RGS7: variants seen among roughly 807,000 people sequenced by gnomAD.
The protein encoded by RGS7 is regulator of G-protein signaling 7.
A neutral mutation model predicts 81.1 loss-of-function variants in RGS7; 27 were observed. The observed-to-expected ratio is 0.33, with a 90% CI of 0.25 to 0.46. RGS7 has a LOEUF of 0.46. Among genes scored for constraint, RGS7 ranks in the 20% least tolerant of loss-of-function variants. RGS7 has a pLI of 1.00. For synonymous variants in RGS7, 208 were observed against 207.7 expected (o/e 1.00, Z -0.01); for missense variants, 396 against 607.4 (o/e 0.65, Z 3.66).
At position 241,088,838 on chromosome 1, in the gene RGS7, C is replaced by T. The variant is rs545497359; in HGVS notation, c.175+9828G>A. ...CATCCTGGCTAACACAGTGAAACCC[C>T]GTCTCTACTAAAAATACAAAAAATT... On this transcript the variant is annotated intron_variant, in intron 3 of 18. Transcript: ENST00000440928. Among the ~76,000 whole-genome samples, 62 of 151,352 alleles carry T rather than the reference C, an allele frequency of 4.1e-4. 1 individual carries two copies. In the East Asian group the frequency reaches 0.011, roughly 26 times the overall value.
chr1:240,911,036 A>G (rs1236674975), intron 6 of RGS7, among the ~76,000 whole-genome samples: 1 of 152,126 alleles, frequency 6.6e-6, no homozygotes, highest in Non-Finnish European at 1.5e-5. Context: ...AGAATTCTCT[A>G]GTTCATTCCT....
At chr1:241,061,949 A>G (rs1275049435) in intron 3 of RGS7, among the ~76,000 whole-genome samples, 1 of 152,204 alleles carries the variant, frequency 6.6e-6, no homozygotes, top group South Asian at 2.1e-4. Flanking sequence ...CTCAACACTC[A>G]AGAATCACAA....
intron 4 of RGS7, among the ~76,000 whole-genome samples, chr1:240,966,515 G>A (rs971698303): frequency 6.6e-6 from 1 of 151,940 alleles, no homozygotes; most frequent in Non-Finnish European, 1.5e-5. Context: ...TTTCCAGAAC[G>A]CCACACCATT....
At chr1:241,276,931 G>GA (rs1039580133) in intron 2 of RGS7, among the ~76,000 whole-genome samples, 1 of 152,122 alleles carries the variant, frequency 6.6e-6, no homozygotes, top group Non-Finnish European at 1.5e-5. Flanking sequence ...AAGGAAGAGA[G>GA]AAAAAAATGG....
chr1:241,163,522 G>C lies in RGS7; in HGVS notation c.79-64760C>G, dbSNP rs545355278. 2.6e-5 allele frequency among the ~76,000 whole-genome samples: 4 copies of C among 151,976 alleles called. No individual in the cohort carries two copies. Among genetic ancestry groups the C allele is most frequent in the African/African-American group, 9.7e-5 (4 of 41,378 alleles). ...CTTCCAGATCTAGGAAAGATTAACC[G>C]ACTGTCGACACCTTTGAAGGTCTGA... On this transcript the variant is annotated intron_variant, in intron 2 of 18. Coordinates refer to ENST00000440928, the MANE Select transcript of RGS7 (RefSeq NM_001364886.1). The surrounding 1 kb of genome is among the most constrained non-coding windows in gnomAD (Gnocchi z 4.6).
chr1:241,060,054 T>G (rs2061667723), intron 3 of RGS7, among the ~76,000 whole-genome samples: 1 of 152,118 alleles, frequency 6.6e-6, no homozygotes, highest in Admixed American at 6.6e-5. Context: ...CTCCCAAACC[T>G]AGGGCACCAG....
At chr1:241,003,859 C>T (rs565625049) in intron 3 of RGS7, among the ~76,000 whole-genome samples, 101 of 152,304 alleles carry the variant, frequency 6.6e-4, no homozygotes, top group Admixed American at 1.7e-3. Context: ...AGTGATTCTC[C>T]TGCCTCAGCC....
At chr1:241,252,132 C>T (rs1212561734) in intron 2 of RGS7, among the ~76,000 whole-genome samples, 1 of 151,892 alleles carries the variant, frequency 6.6e-6, no homozygotes, top group East Asian at 1.9e-4. Context: ...CAACCTCCAC[C>T]TCCCAGGTTC....
chr1:241,065,966 T>C (rs1316483046), intron 3 of RGS7, among the ~76,000 whole-genome samples: 2 of 152,150 alleles, frequency 1.3e-5, no homozygotes, highest in Admixed American at 1.3e-4. Flanking sequence ...TTTAGTATTA[T>C]TTACCAAAGA....
chr1:241,183,983 G>A lies in RGS7; in HGVS notation c.79-85221C>T, dbSNP rs192631586. On this transcript the variant is annotated intron_variant, in intron 2 of 18. Coordinates refer to ENST00000440928, the MANE Select transcript of RGS7 (RefSeq NM_001364886.1). ...CCTGTTGGGCAGATGGACAGAACAG[G>A]AGTCGATGGGAGTCAGAACTACCCT... Among the ~76,000 whole-genome samples the A allele has an allele frequency of 7.2e-4, 110 of 152,266 alleles. 1 individual carries two copies. The highest frequency in any genetic ancestry group is 2.6e-3 in the African/African-American group (106 of 41,532).
intron 2 of RGS7, among the ~76,000 whole-genome samples, chr1:241,232,675 A>G (rs1460858026): frequency 1.4e-5 from 2 of 141,428 alleles, no homozygotes; most frequent in African/African-American, 2.6e-5. Context: ...CAATTTCTGG[A>G]AAAAAAAAAA....
Position 241,302,770 on chromosome 1 carries a change from C to A in RGS7, c.78+52929G>T, listed in dbSNP as rs79041132. 1.3e-3 allele frequency among the ~76,000 whole-genome samples: 204 copies of A among 152,132 alleles called. 3 individuals carry two copies. In the East Asian group the frequency reaches 0.031, roughly 23 times the overall value. The stretch of plus-strand genomic sequence containing the variant: ...TTACTGTTTCATTTACACTCTCTAC[C>A]CTACCCTCACCCCAAATCATTTTGA... On this transcript the variant is annotated intron_variant, in intron 2 of 18. Coordinates refer to ENST00000440928, the MANE Select transcript of RGS7 (RefSeq NM_001364886.1).
intron 2 of RGS7, among the ~76,000 whole-genome samples, chr1:241,213,430 C>A (rs1220438362): frequency 1.3e-5 from 2 of 152,174 alleles, no homozygotes; most frequent in Admixed American, 6.5e-5. Context: ...AACGGCAGAA[C>A]GTCATTGAAG....
chr1:240,883,953 A>G (rs371837577), intron 6 of RGS7, among the ~76,000 whole-genome samples: 37 of 151,920 alleles, frequency 2.4e-4, no homozygotes, highest in African/African-American at 8.4e-4. Context: ...GCACACGTCT[A>G]TAATCCCAGC....
intron 2 of RGS7, among the ~76,000 whole-genome samples, chr1:241,231,003 G>T (rs1392793758): frequency 1.3e-5 from 2 of 152,038 alleles, no homozygotes; most frequent in African/African-American, 4.8e-5. Context: ...TTGGTTGTTG[G>T]TCGTACTCCC....
intron 3 of RGS7, among the ~76,000 whole-genome samples, chr1:241,052,528 C>T (rs2148810816): frequency 6.6e-6 from 1 of 152,248 alleles, no homozygotes; most frequent in South Asian, 2.1e-4. Flanking sequence ...CCATAATACA[C>T]TCTGGAATGC....
intron 3 of RGS7, among the ~76,000 whole-genome samples, chr1:240,992,154 G>A (rs934787706): frequency 6.6e-6 from 1 of 152,212 alleles, no homozygotes; most frequent in Non-Finnish European, 1.5e-5. Context: ...TTCCAATTCC[G>A]GAAATTTCCC....
At chr1:241,057,417 T>A (rs2148822944) in intron 3 of RGS7, among the ~76,000 whole-genome samples, 1 of 152,350 alleles carries the variant, frequency 6.6e-6, no homozygotes, top group South Asian at 2.1e-4. Flanking sequence ...AGAACTATTA[T>A]AAATTATCAG....
At chr1:241,206,960 G>GTTT (rs67087891) in intron 2 of RGS7, among the ~76,000 whole-genome samples, 15 of 70,738 alleles carry the variant, frequency 2.1e-4, no homozygotes, top group East Asian at 5.2e-4. Context: ...TCTCTCTCTG[G>GTTT]TTTTTTTTTT....
Sources: gnomAD v4.1 joint callset for allele counts (sites outside exome capture counted in the v4.1 genomes callset) on GRCh38, gnomAD v4.1.1 for gene constraint, Gnocchi (gnomAD v3.1) non-coding constraint, MANE v1.5 for transcripts, NCBI Gene and HGNC (gene_info 2026-07-23, HGNC 2026-07-21) for gene names.